Variants in NT5DC1 observed in about 807,000 individuals in gnomAD.
NT5DC1 encodes the protein 5'-nucleotidase domain containing 1.
A neutral mutation model predicts 59.4 loss-of-function variants in NT5DC1; 42 were observed. That is an observed-to-expected ratio of 0.71 (90% CI 0.55 to 0.92). The LOEUF is 0.92. NT5DC1 is among the 40% of genes least tolerant of loss of function. NT5DC1 has a pLI of 0.00. For synonymous variants in NT5DC1, 172 were observed against 188.1 expected (o/e 0.91, Z 0.70); for missense variants, 501 against 537.1 (o/e 0.93, Z 0.66).
In NT5DC1 at chr6:116,168,084, T is replaced by C. The variant is rs1041315955; in HGVS notation, c.529+50139T>C. Among the ~76,000 whole-genome samples the C allele has an allele frequency of 8.2e-3, 571 of 69,522 alleles. 4 individuals are homozygous for C. Among genetic ancestry groups the C allele is most frequent in the African/African-American group, 0.039 (533 of 13,668 alleles). The allele number at this position is 69,522 out of a possible 152,430, so 45.6% of individuals were successfully genotyped here. A position where few individuals can be genotyped will look rare whatever the true frequency, so the allele number is the denominator to read the frequency against. On this transcript the variant is annotated intron_variant, in intron 6 of 11. Coordinates refer to ENST00000319550, the MANE Select transcript of NT5DC1 (RefSeq NM_152729.3). ...TTCGATTTATGATGTACCTGGTGTC[T>C]TTTTTTTTTTTTTTTTTTAAATTCT...
chr6:116,179,667 G>T (rs943760618), intron 6 of NT5DC1, among the ~76,000 whole-genome samples: 1 of 152,064 alleles, frequency 6.6e-6, no homozygotes, highest in African/African-American at 2.4e-5. Flanking sequence ...TTTTGAACAA[G>T]CATTTGGCAC....
rs766072060 is a variant in NT5DC1 at position 116,244,023 on chromosome 6, A to C, written c.1367A>C (p.Ter456SerextTer7). Residue 456 changes from the stop codon to serine (S), a stop_lost, in exon 12 of 12, where the codon TAA becomes TCA. Coordinates refer to ENST00000319550, the MANE Select transcript of NT5DC1 (RefSeq NM_152729.3). ...LSSDETLISK[*>S] is the part of the protein sequence containing the mutation. The stretch of plus-strand genomic sequence containing the variant: ...AGTGATGAGACACTGATATCCAAAT[A>C]AGTTGTCTTTACTGAAAAATGAAGT... The C allele has an allele frequency of 2.3e-6, 3 of 1,282,912 alleles. No individual in the cohort carries two copies. In the African/African-American group the frequency reaches 4.5e-5, roughly 19 times the overall value. The allele number at this position is 1,282,912 out of a possible 1,614,324, so 79.5% of individuals were successfully genotyped here.
intron 6 of NT5DC1, among the ~76,000 whole-genome samples, chr6:116,178,092 CGCGCGCGCGCGT>C (rs1237939133): frequency 4.4e-5 from 3 of 68,816 alleles, no homozygotes; most frequent in African/African-American, 1.9e-4. Context: ...TGTGTGTGCG[CGCGCGCGCGCGT>C]GCGTGCGTGT....
chr6:116,230,755 A>G (rs191580035), intron 8 of NT5DC1, among the ~76,000 whole-genome samples: 45 of 152,130 alleles, frequency 3.0e-4, no homozygotes, highest in Non-Finnish European at 5.7e-4. Flanking sequence ...CCTTCTCTGT[A>G]TTGTTTAGTG....
intron 6 of NT5DC1, among the ~76,000 whole-genome samples, chr6:116,136,266 T>C (rs904487983): frequency 2.0e-5 from 3 of 152,108 alleles, no homozygotes; most frequent in Non-Finnish European, 4.4e-5. Context: ...AATAGCAGGA[T>C]TTTCTTCTTT....
chr6:116,164,323 CTT>C (rs1174414784), intron 6 of NT5DC1, among the ~76,000 whole-genome samples: 1 of 152,042 alleles, frequency 6.6e-6, no homozygotes, highest in African/African-American at 2.4e-5. Flanking sequence ...GAGTTGAAGT[CTT>C]TATCATGTAT....
chr6:116,241,955 A>C (rs1322651590), intron 11 of NT5DC1, among the ~76,000 whole-genome samples: 4 of 142,264 alleles, frequency 2.8e-5, no homozygotes, highest in Non-Finnish European at 6.2e-5. Flanking sequence ...AAAAAAAAAA[A>C]AAAACAAAGA....
Position 116,247,646 on chromosome 6 carries a change from C to A in NT5DC1, c.*3622C>A, listed in dbSNP as rs374153826. ...TGTACCATGTACCTGTTCACAGACT[C>A]TTTTCAAAAAACAAGTTTATTTTAC... is the stretch of plus-strand genomic sequence containing the variant. On this transcript the variant is annotated 3_prime_UTR_variant, in exon 12 of 12. Transcript: ENST00000319550. The A allele has an allele frequency of 6.6e-6, 1 of 152,096 alleles. No individual in the cohort carries two copies. Among genetic ancestry groups the A allele is most frequent in the Admixed American group, 6.6e-5 (1 of 15,264 alleles). The allele number at this position is 152,096 out of a possible 1,614,324, so 9.4% of individuals were successfully genotyped here. A position where few individuals can be genotyped will look rare whatever the true frequency, so the allele number is the denominator to read the frequency against.
At chr6:116,176,867 C>T (rs1211567694) in intron 6 of NT5DC1, among the ~76,000 whole-genome samples, 3 of 152,174 alleles carry the variant, frequency 2.0e-5, no homozygotes, top group Admixed American at 2.0e-4. Flanking sequence ...GTCCTGTGAT[C>T]TTCTCACTTC....
intron 8 of NT5DC1, among the ~76,000 whole-genome samples, chr6:116,228,733 C>T (rs919430828): frequency 2.6e-5 from 4 of 152,108 alleles, no homozygotes; most frequent in Non-Finnish European, 2.9e-5. Context: ...CTTTAAAATC[C>T]CTACTTCATT....
intron 6 of NT5DC1, among the ~76,000 whole-genome samples, chr6:116,154,953 A>G (rs1780147306): frequency 6.6e-6 from 1 of 152,208 alleles, no homozygotes; most frequent in Admixed American, 6.5e-5. Context: ...ACCATAAATA[A>G]CCATATACAA....
At chr6:116,182,463 C>G (rs543561441) in intron 6 of NT5DC1, among the ~76,000 whole-genome samples, 2 of 152,104 alleles carry the variant, frequency 1.3e-5, no homozygotes, top group Admixed American at 6.6e-5. Context: ...AATCTCCACA[C>G]TGTTTTCCAT....
At position 116,239,071 on chromosome 6, in the gene NT5DC1, G is replaced by T. The variant is rs1201044817; in HGVS notation, c.1200G>T (p.Lys400Asn). The T allele has an allele frequency of 1.2e-6, 2 of 1,612,616 alleles. No homozygotes were observed. Among genetic ancestry groups the T allele is most frequent in the South Asian group, 1.1e-5 (1 of 91,026 alleles). The change falls in exon 11 of 12, where the codon AAG becomes AAT. Residue 400 changes from lysine to asparagine, a missense_variant. Coordinates refer to ENST00000319550, the MANE Select transcript of NT5DC1 (RefSeq NM_152729.3). ...EDSLVYTWSC[K>N]RISTYSTIAI... The stretch of plus-strand genomic sequence containing the variant: ...CCTTGGTTTATACATGGTCTTGTAA[G>T]AGAATCAGTACTTACAGCACTATTG...
At chr6:116,195,758 A>T (rs1039447758) in intron 6 of NT5DC1, among the ~76,000 whole-genome samples, 1 of 152,066 alleles carries the variant, frequency 6.6e-6, no homozygotes, top group African/African-American at 2.4e-5. Flanking sequence ...TAGATCAACA[A>T]TAGCAACTAG....
At chr6:116,216,809 CTTCTT>C (rs1365640251) in intron 6 of NT5DC1, among the ~76,000 whole-genome samples, 2 of 152,242 alleles carry the variant, frequency 1.3e-5, no homozygotes, top group East Asian at 3.9e-4. Flanking sequence ...AAAGAAGTTT[CTTCTT>C]TTAAGAAAAT....
At chr6:116,229,939 T>C (rs1297473365) in intron 8 of NT5DC1, among the ~76,000 whole-genome samples, 1 of 152,206 alleles carries the variant, frequency 6.6e-6, no homozygotes, top group Non-Finnish European at 1.5e-5. Flanking sequence ...TGTTCTGATA[T>C]CAAGCTTGAG....
At chr6:116,117,331 C>T (rs1778985318) in intron 5 of NT5DC1, among the ~76,000 whole-genome samples, 1 of 152,018 alleles carries the variant, frequency 6.6e-6, no homozygotes, top group Non-Finnish European at 1.5e-5. Context: ...CAGTGATTTT[C>T]ATGGAAGATT....
At chr6:116,110,333 C>T (rs1198685704) in intron 3 of NT5DC1, among the ~76,000 whole-genome samples, 6 of 152,314 alleles carry the variant, frequency 3.9e-5, no homozygotes, top group Middle Eastern at 3.4e-3. Flanking sequence ...TTTAGCCATG[C>T]TGTGTCCTTG....
intron 6 of NT5DC1, among the ~76,000 whole-genome samples, chr6:116,211,262 A>G (rs1781572451): frequency 6.6e-6 from 1 of 151,870 alleles, no homozygotes; most frequent in Admixed American, 6.6e-5. Context: ...ATGATTCCAT[A>G]CCCCCGGGCA....
Sources: gnomAD v4.1 joint callset for allele counts (sites outside exome capture counted in the v4.1 genomes callset) on GRCh38, gnomAD v4.1.1 for gene constraint, MANE v1.5 for transcripts, NCBI Gene and HGNC (gene_info 2026-07-23, HGNC 2026-07-21) for gene names.